Variants in KLHL14 observed in about 807,000 individuals in gnomAD.
KLHL14 encodes the protein kelch like family member 14.
A neutral mutation model predicts 64.3 loss-of-function variants in KLHL14; 22 were observed. The observed-to-expected ratio is 0.34, with a 90% CI of 0.24 to 0.49. The LOEUF (loss-of-function observed/expected upper bound fraction) is 0.49. KLHL14 is among the 20% of genes least tolerant of loss of function. KLHL14 has a pLI of 0.99. For missense variants in KLHL14, 661 were observed against 789.0 expected (o/e 0.84, Z 1.94); for synonymous variants, 322 against 333.4 (o/e 0.97, Z 0.37).
At chr18:32,675,136 T>A (rs574979500) in intron 8 of KLHL14, among the ~76,000 whole-genome samples, 10 of 152,092 alleles carry the variant, frequency 6.6e-5, no homozygotes, top group Non-Finnish European at 1.2e-4. Flanking sequence ...AGAGGATCAC[T>A]TGAGCCCAGG....
In KLHL14 at chr18:32,695,578, CAT is replaced by C. The variant is rs760420681; in HGVS notation, c.1070-28_1070-27del. The C allele has an allele frequency of 5.1e-5, 71 of 1,387,414 alleles. No individual in the cohort carries two copies. The East Asian group carries it at 6.5e-4, about 13-fold the overall frequency. The allele number at this position is 1,387,414 out of a possible 1,614,324, so 85.9% of individuals were successfully genotyped here. A position where few individuals can be genotyped will look rare whatever the true frequency, so the allele number is the denominator to read the frequency against. ...CTGAAATTAAGAAAAAAAAAAAAGACATATGAAATTTTCCATCTCAGGATTTG... is the reference window on the plus strand; with the variant it reads ...CTGAAATTAAGAAAAAAAAAAAAGACATGAAATTTTCCATCTCAGGATTTG... On this transcript the variant is annotated intron_variant, in intron 3 of 8. Transcript: ENST00000359358.
chr18:32,718,036 G>T (rs2050055017), intron 3 of KLHL14, among the ~76,000 whole-genome samples: 2 of 152,114 alleles, frequency 1.3e-5, no homozygotes, highest in African/African-American at 4.8e-5. Context: ...ATTTGCTAGT[G>T]TCTCATCGTT....
chr18:32,762,233 C>CT (rs913311025), intron 2 of KLHL14, among the ~76,000 whole-genome samples: 68 of 151,260 alleles, frequency 4.5e-4, no homozygotes, highest in African/African-American at 6.3e-4. Context: ...TGAGGACTGA[C>CT]TTTTTTTTTC....
At chr18:32,676,555 T>C (rs1212601953) in intron 8 of KLHL14, among the ~76,000 whole-genome samples, 1 of 152,202 alleles carries the variant, frequency 6.6e-6, no homozygotes, top group Non-Finnish European at 1.5e-5. Context: ...TTTTAAAAGG[T>C]AAATACTGAA....
intron 8 of KLHL14, among the ~76,000 whole-genome samples, chr18:32,676,725 T>A (rs2049813103): frequency 6.6e-6 from 1 of 152,158 alleles, no homozygotes; most frequent in Admixed American, 6.6e-5. Context: ...TTTTTGTGTA[T>A]GTTTAGAAAA....
At chr18:32,719,905 T>G (rs1301224331) in intron 3 of KLHL14, among the ~76,000 whole-genome samples, 12 of 152,238 alleles carry the variant, frequency 7.9e-5, no homozygotes, top group Admixed American at 7.9e-4. Flanking sequence ...TCGCAGCCTG[T>G]ACCTACTTCA....
In KLHL14 at chr18:32,739,810, A is replaced by G. The variant is rs114423960; in HGVS notation, c.1069+2118T>C. The stretch of plus-strand genomic sequence containing the variant: ...TATGCTCCCTACTCTCGGGCAGTGG[A>G]TTGAAGTGGTATGTCTGTTGCAGTG... On this transcript the variant is annotated intron_variant, in intron 3 of 8. Transcript: ENST00000359358. 3.3e-3 allele frequency among the ~76,000 whole-genome samples: 503 copies of G among 152,160 alleles called. 5 individuals are homozygous for G. Among genetic ancestry groups the G allele is most frequent in the African/African-American group, 0.011 (455 of 41,504 alleles).
At chr18:32,704,333 G>A (rs551343633) in intron 3 of KLHL14, among the ~76,000 whole-genome samples, 1 of 152,046 alleles carries the variant, frequency 6.6e-6, no homozygotes, top group Non-Finnish European at 1.5e-5. Flanking sequence ...TTTATAAGAG[G>A]AGTTTTCTGA....
At chr18:32,738,623 T>C (rs753444924) in intron 3 of KLHL14, 3 of 152,230 alleles carry the variant, frequency 2.0e-5, no homozygotes, top group Non-Finnish European at 4.4e-5. Flanking sequence ...TGATGATATA[T>C]GAAATGATTT....
intron 5 of KLHL14, among the ~76,000 whole-genome samples, chr18:32,681,378 A>G (rs1386241037): frequency 6.6e-6 from 1 of 152,170 alleles, no homozygotes. Context: ...GAGGACCTGA[A>G]TTAGAGTTTT....
At chr18:32,723,917 G>C (rs1447555150) in intron 3 of KLHL14, among the ~76,000 whole-genome samples, 1 of 152,134 alleles carries the variant, frequency 6.6e-6, no homozygotes, top group East Asian at 1.9e-4. Flanking sequence ...ATGGCACTTT[G>C]TGGGTTCTCT....
chr18:32,690,297 G>T (rs2049901088), intron 4 of KLHL14, among the ~76,000 whole-genome samples: 1 of 152,126 alleles, frequency 6.6e-6, no homozygotes, highest in African/African-American at 2.4e-5. Flanking sequence ...AAGTGCTTGG[G>T]GTTTTAAGGG....
chr18:32,769,228 G>A (rs1478737105), intron 2 of KLHL14, among the ~76,000 whole-genome samples: 1 of 152,120 alleles, frequency 6.6e-6, no homozygotes, highest in Non-Finnish European at 1.5e-5. Flanking sequence ...GGAGGGGTGG[G>A]GTGGGCATTC....
At chr18:32,676,995 C>G (rs941369393) in intron 8 of KLHL14, among the ~76,000 whole-genome samples, 178 bp downstream of exon 8, 1 of 152,156 alleles carries the variant, frequency 6.6e-6, no homozygotes. Context: ...GATCAGCTAG[C>G]AAGCCAGTTC....
chr18:32,701,128 G>A (rs16963709), intron 3 of KLHL14, among the ~76,000 whole-genome samples: 4,636 of 152,140 alleles, frequency 0.03, 174 homozygotes, highest in African/African-American at 0.084. Flanking sequence ...CATTTGATGG[G>A]CATTCTATAA....
At chr18:32,752,065 T>C (rs1056957195) in intron 2 of KLHL14, among the ~76,000 whole-genome samples, 4 of 152,106 alleles carry the variant, frequency 2.6e-5, no homozygotes, top group African/African-American at 9.7e-5. Flanking sequence ...AGGTGGAGGT[T>C]GCTGTGAGCT....
chr18:32,726,465 A>C (rs1466115566), intron 3 of KLHL14, among the ~76,000 whole-genome samples: 2 of 152,024 alleles, frequency 1.3e-5, no homozygotes, highest in Non-Finnish European at 2.9e-5. Flanking sequence ...CTCTACTAAA[A>C]ATACAAAAAT....
At chr18:32,685,823 G>A (rs1336552222) in intron 5 of KLHL14, among the ~76,000 whole-genome samples, 1 of 152,098 alleles carries the variant, frequency 6.6e-6, no homozygotes, top group African/African-American at 2.4e-5. Flanking sequence ...CTGTCTTGCT[G>A]CAATAAGTAC....
In KLHL14 at chr18:32,683,628, T is replaced by G; in HGVS notation, c.1239-3029A>C. 6.6e-6 allele frequency among the ~76,000 whole-genome samples: 1 copy of G among 152,206 alleles called. No individual in the cohort carries two copies. The highest frequency in any genetic ancestry group is 1.5e-5 in the Non-Finnish European group (1 of 68,034). ...TTTCAAATTGTTCATCTCTCCCTCC[T>G]TCAGCCTCCCCTGCCCCCACTGCCA... is the stretch of plus-strand genomic sequence containing the variant. On this transcript the variant is annotated intron_variant, in intron 5 of 8. Coordinates refer to ENST00000359358, the MANE Select transcript of KLHL14 (RefSeq NM_020805.3). This position sits in a 1 kb window ranked among gnomAD's most constrained non-coding sequence, Gnocchi z 4.2.
Sources: gnomAD v4.1 joint callset for allele counts (sites outside exome capture counted in the v4.1 genomes callset) on GRCh38, gnomAD v4.1.1 for gene constraint, Gnocchi (gnomAD v3.1) non-coding constraint, MANE v1.5 for transcripts, NCBI Gene and HGNC (gene_info 2026-07-23, HGNC 2026-07-21) for gene names.